KDM5B: variants seen among roughly 807,000 people sequenced by gnomAD.
KDM5B encodes lysine-specific demethylase 5B.
Under a neutral mutation model 193.4 loss-of-function variants are expected in KDM5B, and 144 were observed. The observed-to-expected ratio is 0.74, with a 90% CI of 0.65 to 0.86. The LOEUF is 0.86. Among genes scored for constraint, KDM5B ranks in the 40% least tolerant of loss-of-function variants. The pLI is 0.00. For synonymous variants in KDM5B, 668 were observed against 682.6 expected, an observed-to-expected ratio of 0.98 and a Z score of 0.33; for missense variants, 1,833 against 1,886.9, an observed-to-expected ratio of 0.97 and a Z score of 0.53.
chr1:202,771,834 C>A (rs1656732167), intron 4 of KDM5B, among the ~76,000 whole-genome samples: 1 of 152,184 alleles, frequency 6.6e-6, no homozygotes, highest in South Asian at 2.1e-4. Context: ...CCCACCTTGG[C>A]CTCCCAAAGT....
chr1:202,766,064 T>G (rs1656445199), intron 5 of KDM5B, among the ~76,000 whole-genome samples: 1 of 152,220 alleles, frequency 6.6e-6, no homozygotes, highest in Admixed American at 6.5e-5. Context: ...TTTTTTTTAA[T>G]TAGCTAGGCA....
At chr1:202,755,153 T>G in intron 11 of KDM5B, 118 bp downstream of exon 11, 1 of 709,960 alleles carries the variant, frequency 1.4e-6, no homozygotes, top group Non-Finnish European at 2.4e-6. Context: ...GTGAAAAACC[T>G]TAGGGAAAAA....
chr1:202,796,681 T>A, intron 1 of KDM5B: 1 of 169,624 alleles, frequency 5.9e-6, no homozygotes, highest in Non-Finnish European at 1.3e-5. Context: ...CCACTCTCCT[T>A]AGAAATGTGC....
At chr1:202,785,435 A>G (rs987330031) in intron 1 of KDM5B, among the ~76,000 whole-genome samples, 3 of 152,034 alleles carry the variant, frequency 2.0e-5, no homozygotes, top group Non-Finnish European at 4.4e-5. Context: ...TAGATGTCAA[A>G]GAGGACAGAT....
chr1:202,764,574 G>A (rs1408638644), intron 5 of KDM5B, among the ~76,000 whole-genome samples: 1 of 152,178 alleles, frequency 6.6e-6, no homozygotes, highest in Admixed American at 6.5e-5. Flanking sequence ...GATGGAGGCT[G>A]CAGTGAGCTG....
At position 202,726,890 on chromosome 1, in the gene KDM5B, T is replaced by C. The variant is rs1654691859; in HGVS notation, c.*2146A>G. On this transcript the variant is annotated 3_prime_UTR_variant, in exon 27 of 27. Transcript: ENST00000367265. ...GCTTTGTTATTTACTAGTAGTACAG[T>C]GTAGCTTTGGGCAACTGACATTCTC... The C allele has an allele frequency of 6.6e-6, 1 of 152,236 alleles. No individual in the cohort carries two copies. Among genetic ancestry groups the C allele is most frequent in the African/African-American group, 2.4e-5 (1 of 41,454 alleles). The allele number at this position is 152,236 out of a possible 1,614,324, so 9.4% of individuals were successfully genotyped here.
intron 1 of KDM5B, 52 bp from the exon 2 acceptor site, chr1:202,777,146 C>CA: frequency 1.4e-6 from 2 of 1,396,928 alleles, no homozygotes; most frequent in Non-Finnish European, 2.0e-6. Context: ...ATTTGACATT[C>CA]AAAAATTTGT....
intron 1 of KDM5B, among the ~76,000 whole-genome samples, chr1:202,795,430 T>C (rs796288016): frequency 2.6e-5 from 4 of 152,102 alleles, no homozygotes; most frequent in Non-Finnish European, 4.4e-5. Context: ...GGCAGACAGA[T>C]CATCCGAGGT....
At chr1:202,734,108 G>C (rs554944213) in intron 22 of KDM5B, among the ~76,000 whole-genome samples, 2 of 152,032 alleles carry the variant, frequency 1.3e-5, no homozygotes, top group South Asian at 4.1e-4. Flanking sequence ...CACCTTACAG[G>C]GTGAGATGAC....
At chr1:202,799,717 C>A (rs1558521539) in intron 1 of KDM5B, among the ~76,000 whole-genome samples, 2 of 151,482 alleles carry the variant, frequency 1.3e-5, no homozygotes, top group African/African-American at 2.4e-5. Flanking sequence ...AATATACATA[C>A]ACACAGTCCC....
Position 202,729,913 on chromosome 1 carries a change from G to A in KDM5B, c.4291C>T (p.Arg1431Trp), listed in dbSNP as rs775957161. The A allele has an allele frequency of 6.8e-6, 11 of 1,613,932 alleles. No homozygotes were observed. Among genetic ancestry groups the A allele is most frequent in the Admixed American group, 3.3e-5 (2 of 59,984 alleles). The change falls in exon 26 of 27, where the codon CGG (arginine) becomes TGG (tryptophan). Residue 1431 changes from arginine to tryptophan, a missense_variant. Physicochemically the swap from Arg to Trp is moderately radical, Grantham distance 101. Coordinates refer to ENST00000367265, the MANE Select transcript of KDM5B (RefSeq NM_006618.5). ...SERWERVKKM[R>W]TPKKKKIKLS... ...TTGATTTTCTTCTTTTTGGGGGTCC[G>A]CATTTTCTTAACTCGTTCCCACCGC...
intron 13 of KDM5B, 139 bp from the exon 14 acceptor site, chr1:202,749,278 T>C (rs1655697658): frequency 6.9e-6 from 5 of 723,934 alleles, no homozygotes; most frequent in Admixed American, 3.2e-5. Context: ...AAAACCAGAC[T>C]CTGGGCCAGG....
chr1:202,766,598 T>A, intron 5 of KDM5B: 1 of 435,558 alleles, frequency 2.3e-6, no homozygotes, highest in Non-Finnish European at 4.2e-6. Context: ...TTTTCTAGCC[T>A]TAATCTCCAT....
intron 16 of KDM5B, among the ~76,000 whole-genome samples, chr1:202,743,244 G>A (rs1184302234): frequency 1.3e-5 from 2 of 148,424 alleles, no homozygotes; most frequent in Non-Finnish European, 1.5e-5. Flanking sequence ...AACTAAAGCA[G>A]GAGGATTACT....
chr1:202,764,133 T>C lies in KDM5B; in HGVS notation c.724A>G (p.Lys242Glu), dbSNP rs772468314. ...TCCGTTGTCTCCTCGGGTTCTATTT[T>C]AATATTCATGGCCTTAAAAAAATTG... ...KRMRAEAMNI[K>E]IEPEETTEAR... Residue 242 changes from lysine (K) to glutamate (E), a missense_variant, in exon 6 of 27, where the codon AAA becomes GAA. Lys to Glu is a moderately conservative substitution (Grantham distance 56). Around this residue, in one of 3 missense-constraint regions of KDM5B, gnomAD observed 355 missense variants for 374.9 expected, o/e 0.95. Coordinates refer to ENST00000367265, the MANE Select transcript of KDM5B (RefSeq NM_006618.5). 6.5e-7 allele frequency: 1 copy of C among 1,545,308 alleles called. No homozygotes were observed. The highest frequency in any genetic ancestry group is 1.2e-5 in the South Asian group (1 of 82,690).
intron 1 of KDM5B, among the ~76,000 whole-genome samples, chr1:202,785,574 G>T (rs1411729149): frequency 7.8e-6 from 1 of 127,460 alleles, no homozygotes. Context: ...AATACAGGTA[G>T]AACCCTCAGA....
intron 7 of KDM5B, among the ~76,000 whole-genome samples, chr1:202,762,327 A>C (rs1558498694): frequency 6.6e-6 from 1 of 151,830 alleles, no homozygotes; most frequent in African/African-American, 2.4e-5. Flanking sequence ...AAGTTGGAAA[A>C]CACTAACTTG....
chr1:202,760,735 T>G (rs1464300661), intron 7 of KDM5B, among the ~76,000 whole-genome samples, 162 bp from the exon 8 acceptor site: 25 of 152,238 alleles, frequency 1.6e-4, no homozygotes, highest in Admixed American at 1.6e-3. Context: ...ATGTTTCACT[T>G]TCTATGAAGG....
At chr1:202,771,545 G>T (rs769068191) in intron 4 of KDM5B, among the ~76,000 whole-genome samples, 5 of 151,268 alleles carry the variant, frequency 3.3e-5, no homozygotes, top group Non-Finnish European at 7.4e-5. Flanking sequence ...ATGAGCCACC[G>T]CACCCAGCCT....
Sources: gnomAD v4.1 joint callset for allele counts (sites outside exome capture counted in the v4.1 genomes callset) on GRCh38, gnomAD v4.1.1 for gene constraint, gnomAD v4.1.1 regional missense constraint, MANE v1.5 for transcripts, NCBI Gene and HGNC (gene_info 2026-07-23, HGNC 2026-07-21) for gene names.